ATP11A: variants seen among roughly 807,000 people sequenced by gnomAD.
The protein encoded by ATP11A is ATPase phospholipid transporting 11A, also known as phospholipid-transporting ATPase IH.
Under a neutral mutation model 154.4 loss-of-function variants are expected in ATP11A, and 81 were observed. The observed-to-expected ratio is 0.52, with a 90% CI of 0.44 to 0.63. The LOEUF (loss-of-function observed/expected upper bound fraction) is 0.63, where lower values mean the gene tolerates loss of function less well. Among genes scored for constraint, ATP11A ranks in the 30% least tolerant of loss-of-function variants. The pLI is 0.00. For missense variants in ATP11A, 1,316 were observed against 1,474.3 expected (o/e 0.89, Z 1.76); for synonymous variants, 623 against 585.9 (o/e 1.06, Z -0.91).
rs2080326715 is a variant in ATP11A at position 112,866,192 on chromosome 13, C to T, written c.2991+3617C>T. 2.0e-5 allele frequency among the ~76,000 whole-genome samples: 3 copies of T among 152,260 alleles called. No homozygotes were observed. In the South Asian group the frequency reaches 6.2e-4, roughly 32 times the overall value. ...TATGGTAAGACAATCATGGGTTTGT[C>T]GTTTCTCTGTGTTTTTGGAGTGCAT... On this transcript the variant is annotated intron_variant, in intron 25 of 29. Transcript: ENST00000375645.
At chr13:112,843,964 C>T (rs2079501600) in intron 17 of ATP11A, among the ~76,000 whole-genome samples, 1 of 152,214 alleles carries the variant, frequency 6.6e-6, no homozygotes, top group Admixed American at 6.5e-5. Flanking sequence ...TCACTGACTT[C>T]CACCAGCCAC....
chr13:112,773,814 G>A (rs1436186141), intron 1 of ATP11A, among the ~76,000 whole-genome samples: 3 of 152,258 alleles, frequency 2.0e-5, no homozygotes, highest in Non-Finnish European at 4.4e-5. Context: ...TGTGGGTGAC[G>A]CGCATCACGG....
intron 1 of ATP11A, among the ~76,000 whole-genome samples, chr13:112,763,627 T>C (rs1282472447): frequency 6.6e-6 from 1 of 152,170 alleles, no homozygotes; most frequent in Non-Finnish European, 1.5e-5. Context: ...CCATCTCTTC[T>C]CTCTGAAGCC....
chr13:112,719,695 C>T (rs575905519), intron 1 of ATP11A, among the ~76,000 whole-genome samples: 1 of 152,008 alleles, frequency 6.6e-6, no homozygotes, highest in African/African-American at 2.4e-5. Context: ...GAGGGTAAAG[C>T]AGAGGGGACT....
At position 112,834,581 on chromosome 13, in the gene ATP11A, C is replaced by A; in HGVS notation, c.1560-8C>A. 2 of 1,606,432 alleles carry A rather than the reference C, an allele frequency of 1.2e-6. No individual in the cohort carries two copies. Among genetic ancestry groups the A allele is most frequent in the South Asian group, 2.2e-5 (2 of 90,832 alleles). ...AGATTCACCCCGAGGTTTCCCTTCT[C>A]ATTGCAGACTTGGCTTTACCTACCT... On this transcript the variant is annotated splice_region_variant and splice_polypyrimidine_tract_variant and intron_variant, in intron 14 of 29. Transcript: ENST00000375645.
At chr13:112,867,736 C>T (rs1011776919) in intron 25 of ATP11A, among the ~76,000 whole-genome samples, 2 of 152,196 alleles carry the variant, frequency 1.3e-5, no homozygotes, top group South Asian at 2.1e-4. Context: ...TGAGCCCCCA[C>T]GGAACCCGCG....
chr13:112,702,822 C>G (rs1480702902), intron 1 of ATP11A, among the ~76,000 whole-genome samples: 1 of 152,260 alleles, frequency 6.6e-6, no homozygotes, highest in Non-Finnish European at 1.5e-5. Context: ...CTCGGTGTCT[C>G]AGGGCCTTGC....
rs768321485 is a variant in ATP11A at position 112,862,501 on chromosome 13, C to T, written c.2917C>T (p.Leu973=). Residue 973 remains leucine, a synonymous_variant, in exon 25 of 30, where the codon CTG becomes TTG. Transcript: ENST00000375645. ...RVFIYWTLLG[L]FDALVFFFGA... Reference sequence around the variant, plus strand: ...GTTCATCTACTGGACGCTCCTGGGACTGTTTGACGCACTGGTGTTCTTCTT... The same window carrying T: ...GTTCATCTACTGGACGCTCCTGGGATTGTTTGACGCACTGGTGTTCTTCTT... 2.2e-5 allele frequency: 35 copies of T among 1,614,090 alleles called. No individual in the cohort carries two copies. The highest frequency in any genetic ancestry group is 3.0e-5 in the Non-Finnish European group (35 of 1,180,032).
chr13:112,833,255 C>T (rs922904873), intron 14 of ATP11A, among the ~76,000 whole-genome samples: 18 of 152,144 alleles, frequency 1.2e-4, no homozygotes, highest in African/African-American at 4.3e-4. Flanking sequence ...TCTGACTTTG[C>T]GTGGGTGGCT....
At chr13:112,833,424 G>A (rs565513689) in intron 14 of ATP11A, among the ~76,000 whole-genome samples, 35 of 152,262 alleles carry the variant, frequency 2.3e-4, no homozygotes, top group South Asian at 1.7e-3. Context: ...AGCCTGGGCC[G>A]GACAGAGCAG....
intron 1 of ATP11A, among the ~76,000 whole-genome samples, chr13:112,763,414 A>G (rs1444413116): frequency 6.6e-6 from 1 of 152,076 alleles, no homozygotes; most frequent in African/African-American, 2.4e-5. Context: ...TTCCAACCTG[A>G]CTCTAGTGTA....
intron 1 of ATP11A, among the ~76,000 whole-genome samples, chr13:112,778,418 C>G (rs1457071246): frequency 2.0e-5 from 3 of 152,256 alleles, no homozygotes; most frequent in African/African-American, 7.2e-5. Context: ...ACGTAAAACA[C>G]TGAGGTAGCT....
In ATP11A at chr13:112,826,704, C is replaced by A. The variant is rs1009999689; in HGVS notation, c.1034C>A (p.Ala345Glu). 1.9e-6 allele frequency: 3 copies of A among 1,614,060 alleles called. No individual in the cohort carries two copies. The highest frequency in any genetic ancestry group is 2.7e-5 in the African/African-American group (2 of 74,928). ...CTTCTGCTCTTGCAGTTCCTCAAGG[C>A]ATTCACGGACTTCCTGGCCTTCATG... ...SERQRNLFLK[A>E]FTDFLAFMVL... The change falls in exon 12 of 30, where the codon GCA becomes GAA. Residue 345 changes from alanine (A) to glutamate (E), a missense_variant. By Grantham distance (107) the Ala-to-Glu change is moderately radical. Around this residue, in one of 5 missense-constraint regions of ATP11A, gnomAD observed 876 missense variants for 1,006.8 expected, o/e 0.87. Transcript: ENST00000375645.
At chr13:112,775,964 G>A (rs567267414) in intron 1 of ATP11A, among the ~76,000 whole-genome samples, 1 of 152,334 alleles carries the variant, frequency 6.6e-6, no homozygotes, top group East Asian at 1.9e-4. Flanking sequence ...CCTCCCGGGC[G>A]TGAGCCCACG....
At chr13:112,873,828 G>A in intron 27 of ATP11A, 152 bp downstream of exon 27, 2 of 470,166 alleles carry the variant, frequency 4.3e-6, no homozygotes, top group Non-Finnish European at 7.4e-6. Flanking sequence ...GTGGGGTCCT[G>A]GGATACAGTC....
intron 14 of ATP11A, 63 bp from the exon 15 acceptor site, chr13:112,834,526 T>C: frequency 9.3e-7 from 1 of 1,074,530 alleles, no homozygotes; most frequent in Non-Finnish European, 1.4e-6. Flanking sequence ...ATAAAGCAAA[T>C]ACTCTATGAA....
At chr13:112,827,727 G>A (rs373447088) in intron 12 of ATP11A, among the ~76,000 whole-genome samples, 2 of 152,264 alleles carry the variant, frequency 1.3e-5, no homozygotes, top group Non-Finnish European at 2.9e-5. Flanking sequence ...ACAGGTAGCT[G>A]AAATCTCCAT....
intron 2 of ATP11A, among the ~76,000 whole-genome samples, chr13:112,798,528 A>C (rs1382232749): frequency 6.6e-6 from 1 of 152,258 alleles, no homozygotes; most frequent in Non-Finnish European, 1.5e-5. Context: ...AATGTATGAC[A>C]GCAGTGCCCT....
chr13:112,854,273 C>G lies in ATP11A; in HGVS notation c.1992-6C>G. 2 of 1,613,748 alleles carry G rather than the reference C, an allele frequency of 1.2e-6. No homozygotes were observed. The highest frequency in any genetic ancestry group is 2.2e-5 in the South Asian group (2 of 91,050). The stretch of plus-strand genomic sequence containing the variant: ...TCTATGCTGTGTTTGGTTTTGCCTC[C>G]CTCAGGCTGCAGGAGAAAGCTGCAG... On this transcript the variant is annotated splice_polypyrimidine_tract_variant and splice_region_variant and intron_variant, in intron 18 of 29. Transcript: ENST00000375645.
Sources: gnomAD v4.1 joint callset for allele counts (sites outside exome capture counted in the v4.1 genomes callset) on GRCh38, gnomAD v4.1.1 for gene constraint, gnomAD v4.1.1 regional missense constraint, MANE v1.5 for transcripts, NCBI Gene and HGNC (gene_info 2026-07-23, HGNC 2026-07-21) for gene names.